DOCK3: variants seen among roughly 807,000 people sequenced by gnomAD.
The protein encoded by DOCK3 is dedicator of cytokinesis 3.
Under a neutral mutation model 265.6 loss-of-function variants are expected in DOCK3, and 60 were observed. That is an observed-to-expected ratio of 0.23 (90% CI 0.18 to 0.28). The LOEUF (loss-of-function observed/expected upper bound fraction) is 0.28, where lower values mean the gene tolerates loss of function less well. Ranked by LOEUF, DOCK3 falls within the 10% of genes least tolerant of loss-of-function variation. The probability of loss-of-function intolerance (pLI) is 1.00; values close to 1 mark genes in which losing one functional copy is unlikely to be tolerated. For synonymous variants in DOCK3, 881 were observed against 938.0 expected (o/e 0.94, Z 1.11); for missense variants, 1,981 against 2,594.3 (o/e 0.76, Z 5.14).
intron 12 of DOCK3, among the ~76,000 whole-genome samples, chr3:51,168,961 T>A (rs2086541474): frequency 6.6e-6 from 1 of 152,146 alleles, no homozygotes; most frequent in African/African-American, 2.4e-5. Context: ...AAGACATACA[T>A]GTGGCCAACA....
intron 1 of DOCK3, among the ~76,000 whole-genome samples, chr3:50,749,268 A>G (rs1015810485): frequency 1.3e-5 from 2 of 152,236 alleles, no homozygotes; most frequent in Non-Finnish European, 2.9e-5. Context: ...TAATATTTAC[A>G]TAGCTGTAGG....
intron 27 of DOCK3, among the ~76,000 whole-genome samples, chr3:51,294,050 A>G (rs1430778286): frequency 6.6e-6 from 1 of 152,208 alleles, no homozygotes; most frequent in Non-Finnish European, 1.5e-5. Flanking sequence ...CTCAAACTAA[A>G]AATAGAATTA....
chr3:50,806,778 C>T (rs1576493720), intron 2 of DOCK3, among the ~76,000 whole-genome samples: 2 of 151,990 alleles, frequency 1.3e-5, no homozygotes, highest in Admixed American at 6.6e-5. Context: ...GAGGAGGGAG[C>T]ATTCCAGAGG....
chr3:51,325,218 G>GA lies in DOCK3; in HGVS notation c.3403-4910dup, dbSNP rs1197832003. On this transcript the variant is annotated intron_variant, in intron 32 of 52. Coordinates refer to ENST00000266037, the MANE Select transcript of DOCK3 (RefSeq NM_004947.5). Reference sequence around the variant, plus strand: ...ATCTACAAAGAACTTAAATTTACAAGAAAAAAAAAACCCTATCAAAAGGTG... The same window carrying GA: ...ATCTACAAAGAACTTAAATTTACAAGAAAAAAAAAAACCCTATCAAAAGGTG... Among the ~76,000 whole-genome samples, 74 of 144,536 alleles carry GA rather than the reference G, an allele frequency of 5.1e-4. 1 individual carries two copies. Among genetic ancestry groups the GA allele is most frequent in the African/African-American group, 1.2e-3 (48 of 39,594 alleles). 94.8% of individuals were successfully genotyped at this position (144,536 alleles called of 152,430 possible). A position where few individuals can be genotyped will look rare whatever the true frequency, so the allele number is the denominator to read the frequency against.
At position 50,973,049 on chromosome 3, in the gene DOCK3, C is replaced by CTTTTTTTTTTTT. The variant is rs71858027; in HGVS notation, c.315+38985_315+38996dup. Among the ~76,000 whole-genome samples the CTTTTTTTTTTTT allele has an allele frequency of 2.1e-4, 4 of 19,022 alleles. 1 individual carries two copies. The highest frequency in any genetic ancestry group is 1.2e-3 in the Admixed American group (1 of 862). 12.5% of individuals were successfully genotyped at this position (19,022 alleles called of 152,430 possible). A position where few individuals can be genotyped will look rare whatever the true frequency, so the allele number is the denominator to read the frequency against. On this transcript the variant is annotated intron_variant, in intron 5 of 52. Coordinates refer to ENST00000266037, the MANE Select transcript of DOCK3 (RefSeq NM_004947.5). ...ACAATCCGTGGCATTCAGTGTGTTT[C>CTTTTTTTTTTTT]TTTTTTTTTTTTTTTTTTTTTTTTG...
At chr3:51,377,830 G>A (rs1419431979) in intron 51 of DOCK3, among the ~76,000 whole-genome samples, 1 of 152,212 alleles carries the variant, frequency 6.6e-6, no homozygotes, top group Non-Finnish European at 1.5e-5. Flanking sequence ...GTGAACATCT[G>A]CACCCCATAA....
intron 49 of DOCK3, among the ~76,000 whole-genome samples, chr3:51,368,815 G>A (rs2087453160): frequency 1.3e-5 from 2 of 152,202 alleles, no homozygotes; most frequent in African/African-American, 4.8e-5. Context: ...AGTAGGGGGC[G>A]ACTGACACCT....
At chr3:50,849,391 CACACACACACACAT>C (rs2046251249) in intron 3 of DOCK3, among the ~76,000 whole-genome samples, 2 of 150,278 alleles carry the variant, frequency 1.3e-5, no homozygotes, top group Non-Finnish European at 3.0e-5. Context: ...CACATATATA[CACACACACACACAT>C]ACACACACAC....
intron 22 of DOCK3, among the ~76,000 whole-genome samples, chr3:51,252,147 G>A (rs2079282773): frequency 6.6e-6 from 1 of 152,116 alleles, no homozygotes; most frequent in Non-Finnish European, 1.5e-5. Context: ...GTTTTTGTCA[G>A]GTTTGTCAAA....
intron 12 of DOCK3, among the ~76,000 whole-genome samples, chr3:51,161,807 CA>C (rs766573426): frequency 1.3e-5 from 2 of 152,088 alleles, no homozygotes; most frequent in Non-Finnish European, 2.9e-5. Flanking sequence ...AAAGATAGCC[CA>C]TTTTTCTGAG....
intron 9 of DOCK3, among the ~76,000 whole-genome samples, chr3:51,112,006 A>G (rs552601713): frequency 2.8e-4 from 43 of 152,354 alleles, no homozygotes; most frequent in African/African-American, 9.4e-4. Flanking sequence ...ATGAGATACC[A>G]TCTCACACCA....
At chr3:50,681,593 A>T (rs2034415895) in intron 1 of DOCK3, among the ~76,000 whole-genome samples, 1 of 152,188 alleles carries the variant, frequency 6.6e-6, no homozygotes. Flanking sequence ...TAAAACCTTA[A>T]ATTTTTTTTA....
At chr3:50,724,367 T>A (rs2037677836) in intron 1 of DOCK3, among the ~76,000 whole-genome samples, 1 of 151,858 alleles carries the variant, frequency 6.6e-6, no homozygotes, top group Non-Finnish European at 1.5e-5. Context: ...GGATTATAAA[T>A]CATTCTATAA....
chr3:51,218,171 C>T (rs1395528404), intron 14 of DOCK3, among the ~76,000 whole-genome samples: 2 of 151,924 alleles, frequency 1.3e-5, no homozygotes, highest in Non-Finnish European at 1.5e-5. Context: ...CAGTGGCTCA[C>T]GCCTATAATC....
intron 5 of DOCK3, among the ~76,000 whole-genome samples, chr3:51,009,817 G>A (rs778962547): frequency 6.6e-6 from 1 of 152,108 alleles, no homozygotes; most frequent in Non-Finnish European, 1.5e-5. Context: ...GGTATGTTGT[G>A]TCTTTGTTCT....
At chr3:50,769,533 G>A (rs992616864) in intron 1 of DOCK3, among the ~76,000 whole-genome samples, 2 of 152,160 alleles carry the variant, frequency 1.3e-5, no homozygotes, top group Non-Finnish European at 2.9e-5. Context: ...AGTCTTGGTC[G>A]AGCATGGTGG....
chr3:51,151,126 G>A (rs150604988), intron 10 of DOCK3, among the ~76,000 whole-genome samples: 1,631 of 151,514 alleles, frequency 0.011, 16 homozygotes, highest in Non-Finnish European at 0.019. Context: ...GACTAGGATC[G>A]CAACCCCTGC....
intron 6 of DOCK3, among the ~76,000 whole-genome samples, chr3:51,073,678 T>C (rs1225375022): frequency 1.3e-5 from 2 of 152,182 alleles, no homozygotes; most frequent in Non-Finnish European, 2.9e-5. Context: ...AAAAATTTTT[T>C]CTCTTTAAAA....
At chr3:51,336,702 C>T (rs1197711539) in intron 35 of DOCK3, among the ~76,000 whole-genome samples, 2 of 152,188 alleles carry the variant, frequency 1.3e-5, no homozygotes, top group Non-Finnish European at 2.9e-5. Flanking sequence ...GTCAGCAGTG[C>T]AGAGGAGAAG....
Sources: allele counts gnomAD v4.1 joint callset (sites outside exome capture counted in the v4.1 genomes callset), GRCh38; gene constraint gnomAD v4.1.1; transcripts MANE v1.5; gene names NCBI Gene and HGNC (gene_info 2026-07-23, HGNC 2026-07-21).